Variants in STAG1 observed in about 807,000 individuals in gnomAD.
STAG1 encodes cohesin subunit SA-1.
A neutral mutation model predicts 170.9 loss-of-function variants in STAG1; 26 were observed. The ratio of observed to expected loss-of-function variants is 0.15; its 90% CI spans 0.11 to 0.21. The LOEUF (loss-of-function observed/expected upper bound fraction) is 0.21. Among genes scored for constraint, STAG1 ranks in the 10% least tolerant of loss-of-function variants. The pLI, the probability that STAG1 is intolerant of heterozygous loss-of-function variation, is 1.00. For synonymous variants in STAG1, 514 were observed against 497.7 expected (o/e 1.03, Z -0.44); for missense variants, 964 against 1,509.5 (o/e 0.64, Z 5.99).
chr3:136,456,652 A>G (rs1311011571), intron 13 of STAG1, among the ~76,000 whole-genome samples: 1 of 152,196 alleles, frequency 6.6e-6, no homozygotes, highest in Non-Finnish European at 1.5e-5. Context: ...CAGGAACAGA[A>G]AGCTCAGATG....
intron 10 of STAG1, 111 bp downstream of exon 10, chr3:136,477,178 T>C: frequency 8.1e-7 from 1 of 1,230,068 alleles, no homozygotes; most frequent in Non-Finnish European, 1.1e-6. Flanking sequence ...CATCTTAAAA[T>C]TTCCACATGA....
At chr3:136,464,555 C>A (rs2089396780) in intron 13 of STAG1, among the ~76,000 whole-genome samples, 1 of 152,106 alleles carries the variant, frequency 6.6e-6, no homozygotes, top group Non-Finnish European at 1.5e-5. Flanking sequence ...GATCAGACCT[C>A]AGAATTTTAA....
chr3:136,435,082 T>C (rs558723925), intron 15 of STAG1, among the ~76,000 whole-genome samples: 64 of 152,352 alleles, frequency 4.2e-4, no homozygotes, highest in Non-Finnish European at 7.5e-4. Context: ...ATACTAGACT[T>C]ATGGCATAAT....
At chr3:136,500,160 C>T in intron 9 of STAG1, 63 bp downstream of exon 9, 1 of 1,097,670 alleles carries the variant, frequency 9.1e-7, no homozygotes, top group East Asian at 2.5e-5. Context: ...TAGCCTGGGC[C>T]ACAAAAAAAA....
intron 6 of STAG1, among the ~76,000 whole-genome samples, chr3:136,530,451 G>A (rs1001190051): frequency 2.0e-5 from 3 of 152,098 alleles, no homozygotes; most frequent in African/African-American, 7.2e-5. Context: ...GTGCGTTCAG[G>A]GTGGTATGGC....
chr3:136,594,872 G>T (rs1938354485), intron 4 of STAG1, among the ~76,000 whole-genome samples: 1 of 152,142 alleles, frequency 6.6e-6, no homozygotes, highest in Non-Finnish European at 1.5e-5. Context: ...CCGGGCTCAG[G>T]TGATTTTCCC....
At chr3:136,520,495 G>GCAA (rs1303014202) in intron 7 of STAG1, among the ~76,000 whole-genome samples, 1 of 151,610 alleles carries the variant, frequency 6.6e-6, no homozygotes, top group Admixed American at 6.6e-5. Context: ...CATTATGAAT[G>GCAA]AAAAAAATAG....
intron 1 of STAG1, among the ~76,000 whole-genome samples, chr3:136,685,094 C>A (rs1399396061): frequency 1.3e-5 from 2 of 152,244 alleles, no homozygotes; most frequent in South Asian, 2.1e-4. Context: ...GCAGGTGGAT[C>A]ACCTGAGGTG....
intron 21 of STAG1, among the ~76,000 whole-genome samples, chr3:136,414,259 C>T (rs2087710278): frequency 6.6e-6 from 1 of 152,230 alleles, no homozygotes; most frequent in African/African-American, 2.4e-5. Context: ...TCTCCACAGA[C>T]CTTCTTTCAA....
chr3:136,440,339 G>A (rs983654286), intron 15 of STAG1, among the ~76,000 whole-genome samples: 17 of 151,890 alleles, frequency 1.1e-4, no homozygotes, highest in Admixed American at 3.9e-4. Context: ...GGGTTTCACC[G>A]TGTTAGCCAG....
chr3:136,376,005 T>TA (rs1553796051), intron 23 of STAG1, among the ~76,000 whole-genome samples: 74 of 63,930 alleles, frequency 1.2e-3, no homozygotes, highest in Non-Finnish European at 1.7e-3. Flanking sequence ...AATAAATAAA[T>TA]AAATAATTAA....
chr3:136,568,913 G>T, intron 4 of STAG1, 52 bp from the exon 5 acceptor site: 2 of 1,345,360 alleles, frequency 1.5e-6, no homozygotes, highest in Non-Finnish European at 2.1e-6. Flanking sequence ...TGATATTATA[G>T]CAAATAAATT....
chr3:136,413,828 G>A (rs991639684), intron 21 of STAG1, among the ~76,000 whole-genome samples: 5 of 152,050 alleles, frequency 3.3e-5, no homozygotes, highest in Non-Finnish European at 5.9e-5. Flanking sequence ...ATCACTAGGA[G>A]GAGAAAAAAT....
chr3:136,493,658 A>T (rs1269657111), intron 9 of STAG1, among the ~76,000 whole-genome samples: 1 of 121,942 alleles, frequency 8.2e-6, no homozygotes, highest in Non-Finnish European at 1.8e-5. Context: ...CTGTCTCCGA[A>T]AAAAAAAAAA....
chr3:136,740,727 G>A (rs775847989), intron 1 of STAG1, among the ~76,000 whole-genome samples: 6 of 151,996 alleles, frequency 3.9e-5, no homozygotes, highest in Non-Finnish European at 5.9e-5. Context: ...GTGATCGCCC[G>A]CCCCAGCCTC....
intron 21 of STAG1, chr3:136,417,587 C>A: frequency 4.0e-6 from 1 of 251,194 alleles, no homozygotes; most frequent in Non-Finnish European, 7.7e-6. Context: ...TTTCATTATC[C>A]AAAGTTTTAA....
intron 5 of STAG1, among the ~76,000 whole-genome samples, chr3:136,545,662 T>A (rs1174921996): frequency 2.0e-5 from 3 of 151,952 alleles, no homozygotes; most frequent in Non-Finnish European, 4.4e-5. Flanking sequence ...TCAAGCTTAA[T>A]CGTAAATATC....
intron 1 of STAG1, among the ~76,000 whole-genome samples, chr3:136,716,927 T>C (rs1017994267): frequency 2.0e-5 from 3 of 152,264 alleles, no homozygotes; most frequent in African/African-American, 7.2e-5. Flanking sequence ...TAACAATACA[T>C]ATCTTCTGTA....
At chr3:136,550,976 CTGAT>C (rs1936356304) in intron 5 of STAG1, among the ~76,000 whole-genome samples, 1 of 152,044 alleles carries the variant, frequency 6.6e-6, no homozygotes, top group African/African-American at 2.4e-5. Context: ...CTAAACACTA[CTGAT>C]TATTAATCAT....
Sources: allele counts gnomAD v4.1 joint callset (sites outside exome capture counted in the v4.1 genomes callset), GRCh38; gene constraint gnomAD v4.1.1; transcripts MANE v1.5; gene names NCBI Gene and HGNC (gene_info 2026-07-23, HGNC 2026-07-21).